The following RNF146 variants were observed in gnomAD, a reference collection of about 807,000 sequenced individuals.
The protein encoded by RNF146 is ring finger protein 146, also known as E3 ubiquitin-protein ligase RNF146.
Under a neutral mutation model 29.7 loss-of-function variants are expected in RNF146, and 11 were observed. That is an observed-to-expected ratio of 0.37 (90% confidence interval 0.23 to 0.61). RNF146 has a LOEUF of 0.61. RNF146 is among the 20% of genes least tolerant of loss of function. The pLI is 0.66. For synonymous variants in RNF146, 150 were observed against 159.7 expected (o/e 0.94, Z 0.46); for missense variants, 342 against 438.9 (o/e 0.78, Z 1.97).
At chr6:127,271,948 C>A (rs1777558291) in intron 1 of RNF146, among the ~76,000 whole-genome samples, 1 of 152,156 alleles carries the variant, frequency 6.6e-6, no homozygotes, top group South Asian at 2.1e-4. Context: ...CATGCCCTGC[C>A]TCTTTTTATT....
chr6:127,287,684 T>C lies in RNF146; in HGVS notation c.1071T>C (p.Thr357=). 1.3e-6 allele frequency: 2 copies of C among 1,556,044 alleles called. No homozygotes were observed. The highest frequency in any genetic ancestry group is 1.2e-5 in the South Asian group (1 of 84,242). The change falls in exon 3 of 3, where the codon ACT becomes ACC. Residue 357 remains threonine (T), a synonymous_variant. Transcript: ENST00000368314. ...SRRPDGQCTV[T]EV is the part of the protein sequence containing the mutation. ...GGCCTGATGGACAGTGCACAGTAAC[T>C]GAAGTTTAAATAAAAATGTCTTCAG...
At chr6:127,269,414 G>A (rs1353753175) in intron 1 of RNF146, among the ~76,000 whole-genome samples, 3 of 152,176 alleles carry the variant, frequency 2.0e-5, no homozygotes, top group Non-Finnish European at 4.4e-5. Flanking sequence ...ATGATTAAAA[G>A]ACAATATTCG....
intron 2 of RNF146, among the ~76,000 whole-genome samples, chr6:127,285,854 A>G (rs766236672): frequency 9.9e-5 from 15 of 151,964 alleles, no homozygotes; most frequent in Non-Finnish European, 1.0e-4. Flanking sequence ...ATCTGCATGT[A>G]TGTTTCCTTA....
At position 127,287,526 on chromosome 6, in the gene RNF146, C is replaced by T. The variant is rs1779685370; in HGVS notation, c.913C>T (p.Gln305Ter). Reference sequence around the variant, plus strand: ...TGAGGATGTATCTGCAGTTGTTGCACAGCACTCCTTGACCCAACAGAGACT... The same window carrying T: ...TGAGGATGTATCTGCAGTTGTTGCATAGCACTCCTTGACCCAACAGAGACT... ...DSEDVSAVVA[Q>*]HSLTQQRLLV... The change falls in exon 3 of 3, where the codon CAG (glutamine) becomes TAG (stop). Residue 305 changes from glutamine to a stop codon, truncating the protein, a stop_gained. Coordinates refer to ENST00000368314, the MANE Select transcript of RNF146 (RefSeq NM_001242850.2). LOFTEE classifies it high-confidence loss of function. 6.2e-7 allele frequency: 1 copy of T among 1,613,218 alleles called. No homozygotes were observed. The highest frequency in any genetic ancestry group is 8.5e-7 in the Non-Finnish European group (1 of 1,179,556).
intron 1 of RNF146, among the ~76,000 whole-genome samples, chr6:127,271,191 C>T (rs2114417850): frequency 6.6e-6 from 1 of 152,164 alleles, no homozygotes; most frequent in South Asian, 2.1e-4. Flanking sequence ...ACATACAAAA[C>T]ATATATTAAT....
rs1169923913 is a variant in RNF146, at chr6:127,288,357, C to T, written c.*664C>T. The stretch of plus-strand genomic sequence containing the variant: ...TAATTTAATAAATACTAGAGTTTAT[C>T]AAAAACAGTTTGTCTCTTGTTTGAG... On this transcript the variant is annotated 3_prime_UTR_variant, in exon 3 of 3. Coordinates refer to ENST00000368314, the MANE Select transcript of RNF146 (RefSeq NM_001242850.2). The T allele has an allele frequency of 1.2e-5, 2 of 166,660 alleles. No individual in the cohort carries two copies. The highest frequency in any genetic ancestry group is 2.9e-5 in the Non-Finnish European group (2 of 68,008). 10.3% of individuals were successfully genotyped at this position (166,660 alleles called of 1,614,324 possible). A position where few individuals can be genotyped will look rare whatever the true frequency, so the allele number is the denominator to read the frequency against.
chr6:127,286,333 C>T lies in RNF146; in HGVS notation c.3-283C>T. On this transcript the variant is annotated intron_variant, in intron 2 of 2. Coordinates refer to ENST00000368314, the MANE Select transcript of RNF146 (RefSeq NM_001242850.2). The surrounding 1 kb of genome is among the most constrained non-coding windows in gnomAD (Gnocchi z 4.6). Reference sequence around the variant, plus strand: ...GGTATCCTTTTCCCCTCACTGGATGCAGCTTTTCATTATATAGTTCTTCAG... The same window carrying T: ...GGTATCCTTTTCCCCTCACTGGATGTAGCTTTTCATTATATAGTTCTTCAG... The T allele has an allele frequency of 3.3e-6, 2 of 599,732 alleles. No homozygotes were observed. Among genetic ancestry groups the T allele is most frequent in the East Asian group, 3.3e-5 (1 of 30,652 alleles). The allele number at this position is 599,732 out of a possible 1,614,324, so 37.2% of individuals were successfully genotyped here.
At chr6:127,271,356 G>C (rs7774468) in intron 1 of RNF146, among the ~76,000 whole-genome samples, 111,000 of 151,972 alleles carry the variant, frequency 0.73, 40,705 homozygotes, top group East Asian at 0.78. Flanking sequence ...TATAAATTCT[G>C]AGAGTTAATA....
At chr6:127,284,750 A>G (rs1429863502) in intron 2 of RNF146, among the ~76,000 whole-genome samples, 1 of 151,966 alleles carries the variant, frequency 6.6e-6, no homozygotes, top group Non-Finnish European at 1.5e-5. Flanking sequence ...AGTGCTTAAC[A>G]TACTAAGACG....
At chr6:127,268,951 A>G (rs1777056567) in intron 1 of RNF146, among the ~76,000 whole-genome samples, 1 of 152,162 alleles carries the variant, frequency 6.6e-6, no homozygotes, top group Non-Finnish European at 1.5e-5. Context: ...AAAGAATATT[A>G]TTTTATATGT....
chr6:127,284,807 C>T lies in RNF146; in HGVS notation c.3-1809C>T, dbSNP rs188578387. Among the ~76,000 whole-genome samples, 6 of 151,974 alleles carry T rather than the reference C, an allele frequency of 3.9e-5. No individual in the cohort carries two copies. In the East Asian group the frequency reaches 9.7e-4, roughly 25 times the overall value. On this transcript the variant is annotated intron_variant, in intron 2 of 2. Coordinates refer to ENST00000368314, the MANE Select transcript of RNF146 (RefSeq NM_001242850.2). ...ACAAGCTTATCCAACTTGTGGGCCA[C>T]ATGTGGCCCAGGATGGCTTTGAAAG...
chr6:127,267,379 C>G (rs936186451), intron 1 of RNF146, among the ~76,000 whole-genome samples: 2 of 152,144 alleles, frequency 1.3e-5, no homozygotes, highest in Non-Finnish European at 2.9e-5. Flanking sequence ...CCCTCTCCTC[C>G]CCTCTGGGCC....
intron 1 of RNF146, among the ~76,000 whole-genome samples, chr6:127,270,381 A>C (rs1392339083): frequency 2.0e-5 from 3 of 152,098 alleles, no homozygotes; most frequent in Non-Finnish European, 4.4e-5. Context: ...GTTTGGTGTA[A>C]AATTTACAGG....
At chr6:127,281,399 A>G (rs965905982) in intron 2 of RNF146, among the ~76,000 whole-genome samples, 5 of 151,732 alleles carry the variant, frequency 3.3e-5, no homozygotes, top group African/African-American at 1.2e-4. Flanking sequence ...TGTAATTAAC[A>G]AACAGTGGAA....
intron 1 of RNF146, among the ~76,000 whole-genome samples, chr6:127,267,903 G>C (rs2114390679): frequency 6.6e-6 from 1 of 152,288 alleles, no homozygotes. Flanking sequence ...TCTAAAGAAT[G>C]TAAAATTGTT....
chr6:127,271,940 T>C (rs985951487), intron 1 of RNF146, among the ~76,000 whole-genome samples: 16 of 152,238 alleles, frequency 1.1e-4, no homozygotes, highest in African/African-American at 3.6e-4. Context: ...TGAGGCACCA[T>C]GCCCTGCCTC....
intron 1 of RNF146, among the ~76,000 whole-genome samples, chr6:127,278,802 C>A (rs552087378): frequency 1.3e-5 from 2 of 152,062 alleles, no homozygotes; most frequent in African/African-American, 4.8e-5. Flanking sequence ...TACATCCTCA[C>A]CAACACTTAT....
chr6:127,281,769 A>G (rs918336439), intron 2 of RNF146, among the ~76,000 whole-genome samples: 12 of 151,788 alleles, frequency 7.9e-5, no homozygotes, highest in Non-Finnish European at 1.6e-4. Flanking sequence ...TGATTTTGAT[A>G]CTTAGGGACA....
intron 1 of RNF146, among the ~76,000 whole-genome samples, chr6:127,272,032 C>T (rs892583674): frequency 6.6e-6 from 1 of 152,104 alleles, no homozygotes; most frequent in African/African-American, 2.4e-5. Flanking sequence ...AATACGTGAC[C>T]TTTTCTGTGA....
Sources: allele counts gnomAD v4.1 joint callset (sites outside exome capture counted in the v4.1 genomes callset), GRCh38; gene constraint gnomAD v4.1.1; non-coding constraint Gnocchi (gnomAD v3.1); transcripts MANE v1.5; gene names NCBI Gene and HGNC (gene_info 2026-07-23, HGNC 2026-07-21).